PCDH9: variants seen among roughly 807,000 people sequenced by gnomAD.
The protein encoded by PCDH9 is protocadherin 9, also known as protocadherin-9.
A neutral mutation model predicts 70.6 loss-of-function variants in PCDH9; 24 were observed. That is an observed-to-expected ratio of 0.34 (90% CI 0.25 to 0.48). The LOEUF (loss-of-function observed/expected upper bound fraction) is 0.48. PCDH9 is among the 20% of genes least tolerant of loss of function. The pLI is 0.99. For missense variants in PCDH9, 1,281 were observed against 1,503.6 expected, an observed-to-expected ratio of 0.85 and a Z score of 2.45; for synonymous variants, 562 against 558.5, an observed-to-expected ratio of 1.01 and a Z score of -0.09.
chr13:66,788,280 T>A (rs2080110130), intron 3 of PCDH9, among the ~76,000 whole-genome samples: 1 of 152,076 alleles, frequency 6.6e-6, no homozygotes, highest in Admixed American at 6.6e-5. Flanking sequence ...AGAGCCCTCA[T>A]CAACTAAATC....
In PCDH9 at chr13:66,573,761, GTTTGTTTT is replaced by G. The variant is rs1445574440; in HGVS notation, c.3340+57441_3340+57448del. 5.3e-4 allele frequency among the ~76,000 whole-genome samples: 80 copies of G among 151,918 alleles called. 1 individual carries two copies. Among genetic ancestry groups the G allele is most frequent in the Middle Eastern group, 3.4e-3 (1 of 294 alleles). ...TTTTTGTTTGTTTGTTTGTTTGTTT[GTTTGTTTT>G]TTTGGTGCCAAATCAACTGAAATGC... On this transcript the variant is annotated intron_variant, in intron 4 of 4. Coordinates refer to ENST00000377865, the MANE Select transcript of PCDH9 (RefSeq NM_203487.3).
chr13:66,438,441 A>G (rs562328712), intron 4 of PCDH9, among the ~76,000 whole-genome samples: 1 of 152,328 alleles, frequency 6.6e-6, no homozygotes, highest in Admixed American at 6.5e-5. Flanking sequence ...AAGGAAGGCT[A>G]AATAACTTTT....
intron 4 of PCDH9, among the ~76,000 whole-genome samples, chr13:66,354,270 T>G (rs931688876): frequency 6.6e-6 from 1 of 152,192 alleles, no homozygotes; most frequent in South Asian, 2.1e-4. Context: ...TAAAGAGAGA[T>G]ATTCTTTCAA....
chr13:66,768,484 T>C (rs1371388848), intron 3 of PCDH9, among the ~76,000 whole-genome samples: 1 of 152,050 alleles, frequency 6.6e-6, no homozygotes, highest in Non-Finnish European at 1.5e-5. Context: ...GTGAATAGGG[T>C]ATGAAGAATA....
intron 3 of PCDH9, among the ~76,000 whole-genome samples, chr13:66,637,680 G>A (rs147905585): frequency 0.014 from 2,130 of 152,160 alleles, 59 homozygotes; most frequent in African/African-American, 0.049. Flanking sequence ...TTGGGAGGCC[G>A]AGGTGGGTGG....
chr13:66,482,980 C>T (rs1566360497), intron 4 of PCDH9, among the ~76,000 whole-genome samples: 1 of 152,176 alleles, frequency 6.6e-6, no homozygotes, highest in South Asian at 2.1e-4. Flanking sequence ...CTTCCTCCTG[C>T]ACATACTAAG....
At chr13:67,012,841 T>C (rs2084478590) in intron 2 of PCDH9, among the ~76,000 whole-genome samples, 1 of 152,072 alleles carries the variant, frequency 6.6e-6, no homozygotes, top group South Asian at 2.1e-4. Context: ...TACTATATTA[T>C]AAAAGGCCCA....
At chr13:66,423,600 A>T (rs1467750947) in intron 4 of PCDH9, among the ~76,000 whole-genome samples, 2 of 152,222 alleles carry the variant, frequency 1.3e-5, no homozygotes, top group African/African-American at 4.8e-5. Context: ...CAAAAGATGT[A>T]GAAAAGGCCA....
At chr13:66,786,560 T>G (rs2080082966) in intron 3 of PCDH9, among the ~76,000 whole-genome samples, 1 of 152,198 alleles carries the variant, frequency 6.6e-6, no homozygotes, top group Non-Finnish European at 1.5e-5. Context: ...TCAAGATATT[T>G]AAGCGAAGTA....
intron 2 of PCDH9, among the ~76,000 whole-genome samples, chr13:67,099,403 A>T (rs1297906716): frequency 6.6e-6 from 1 of 152,216 alleles, no homozygotes; most frequent in Non-Finnish European, 1.5e-5. Context: ...ATGCAAATTA[A>T]TGAGGTAAAT....
chr13:66,513,730 A>G (rs1959599375), intron 4 of PCDH9, among the ~76,000 whole-genome samples: 1 of 152,138 alleles, frequency 6.6e-6, no homozygotes. Context: ...AAAAAAAAAA[A>G]AAGCCTGAAC....
Position 66,681,306 on chromosome 13 carries a change from T to C in PCDH9, c.3139-49895A>G, listed in dbSNP as rs115563222. On this transcript the variant is annotated intron_variant, in intron 3 of 4. Coordinates refer to ENST00000377865, the MANE Select transcript of PCDH9 (RefSeq NM_203487.3). ...ACAACTGCATTATATGGTTCTAAAGTATTCATTAGTTCATAGAAGAAAATC... is the reference window on the plus strand; with the variant it reads ...ACAACTGCATTATATGGTTCTAAAGCATTCATTAGTTCATAGAAGAAAATC... Among the ~76,000 whole-genome samples, 348 of 152,272 alleles carry C rather than the reference T, an allele frequency of 2.3e-3. 1 individual carries two copies. The highest frequency in any genetic ancestry group is 8.2e-3 in the African/African-American group (342 of 41,568).
At chr13:66,798,342 C>G (rs113848708) in intron 3 of PCDH9, among the ~76,000 whole-genome samples, 1 of 152,052 alleles carries the variant, frequency 6.6e-6, no homozygotes, top group African/African-American at 2.4e-5. Context: ...GATCCAAATG[C>G]GTCTTTAAGA....
intron 2 of PCDH9, among the ~76,000 whole-genome samples, chr13:66,938,577 A>T (rs1038294111): frequency 1.3e-5 from 2 of 152,188 alleles, no homozygotes; most frequent in African/African-American, 4.8e-5. Context: ...AGAGTTTGCA[A>T]TGTTCTCATC....
intron 2 of PCDH9, among the ~76,000 whole-genome samples, chr13:66,994,934 A>G (rs1027635751): frequency 1.3e-5 from 2 of 152,168 alleles, no homozygotes; most frequent in African/African-American, 4.8e-5. Flanking sequence ...AACCTTTTAA[A>G]CGGGCTTAAG....
At chr13:67,105,006 C>T (rs928480583) in intron 2 of PCDH9, among the ~76,000 whole-genome samples, 2 of 152,120 alleles carry the variant, frequency 1.3e-5, no homozygotes, top group African/African-American at 4.8e-5. Context: ...TACTCTTGAA[C>T]TCAAATCTTC....
At chr13:67,137,395 C>T (rs1389164618) in intron 2 of PCDH9, among the ~76,000 whole-genome samples, 1 of 152,098 alleles carries the variant, frequency 6.6e-6, no homozygotes, top group African/African-American at 2.4e-5. Flanking sequence ...TCACTATTTC[C>T]TCAGCCTGCT....
At chr13:66,405,120 C>T (rs983064670) in intron 4 of PCDH9, among the ~76,000 whole-genome samples, 1 of 152,164 alleles carries the variant, frequency 6.6e-6, no homozygotes, top group Non-Finnish European at 1.5e-5. Flanking sequence ...AAACACATAA[C>T]ACAGATAGTT....
At chr13:67,073,499 CA>C (rs141396994) in intron 2 of PCDH9, among the ~76,000 whole-genome samples, 27 of 146,032 alleles carry the variant, frequency 1.8e-4, no homozygotes, top group South Asian at 1.7e-3. Context: ...AACTTTTTGG[CA>C]AAAAAAAAAT....
Sources: gnomAD v4.1 joint callset for allele counts (sites outside exome capture counted in the v4.1 genomes callset) on GRCh38, gnomAD v4.1.1 for gene constraint, MANE v1.5 for transcripts, NCBI Gene and HGNC (gene_info 2026-07-23, HGNC 2026-07-21) for gene names.